Variants in LRRC74A observed in about 807,000 individuals in gnomAD.
The protein encoded by LRRC74A is leucine-rich repeat-containing protein 74A.
A neutral mutation model predicts 57.9 loss-of-function variants in LRRC74A; 44 were observed. The observed-to-expected ratio is 0.76, with a 90% CI of 0.60 to 0.98. LRRC74A has a LOEUF of 0.98. Ranked by LOEUF, LRRC74A falls within the 50% of genes least tolerant of loss-of-function variation. The probability of loss-of-function intolerance (pLI) is 0.00; values close to 1 mark genes in which losing one functional copy is unlikely to be tolerated. For missense variants in LRRC74A, 572 were observed against 574.0 expected (o/e 1.00, Z 0.04); for synonymous variants, 211 against 219.4 (o/e 0.96, Z 0.34).
intron 4 of LRRC74A, 69 bp downstream of exon 4, chr14:76,836,383 A>C: frequency 8.2e-7 from 1 of 1,213,052 alleles, no homozygotes; most frequent in Non-Finnish European, 1.2e-6. Flanking sequence ...GAGACAAGCC[A>C]GAGGCCCTGC....
rs187795661 is a variant in LRRC74A, at chr14:76,843,340, G to T, written c.545-1083G>T. 2.1e-3 allele frequency among the ~76,000 whole-genome samples: 307 copies of T among 147,614 alleles called. 1 individual carries two copies. Among genetic ancestry groups the T allele is most frequent in the African/African-American group, 7.6e-3 (302 of 39,770 alleles). ...AAAAAAAAACTTGTTCAATATAGAT[G>T]ATTTTACACTAATTTTGGTTTTTTA... On this transcript the variant is annotated intron_variant, in intron 5 of 13. Transcript: ENST00000689127.
At chr14:76,866,112 G>A (rs1053911800) in intron 12 of LRRC74A, 37 bp downstream of exon 12, 1 of 1,382,942 alleles carries the variant, frequency 7.2e-7, no homozygotes, top group Non-Finnish European at 1.0e-6. Flanking sequence ...CTGTGTGTGA[G>A]TGTGAGTGTG....
At chr14:76,863,580 C>T (rs748349557) in intron 11 of LRRC74A, among the ~76,000 whole-genome samples, 11 of 152,200 alleles carry the variant, frequency 7.2e-5, no homozygotes, top group African/African-American at 1.2e-4. Flanking sequence ...TTCGTGTTCC[C>T]GAAGCCCTTG....
At position 76,836,327 on chromosome 14, in the gene LRRC74A, C is replaced by G. The variant is rs574535353; in HGVS notation, c.447+13C>G. 23 of 1,562,918 alleles carry G rather than the reference C, an allele frequency of 1.5e-5. No individual in the cohort carries two copies. Among genetic ancestry groups the G allele is most frequent in the East Asian group, 2.3e-5 (1 of 44,368 alleles). The stretch of plus-strand genomic sequence containing the variant: ...CCTCCAGGAGATGGTACTGTGCCCC[C>G]CTGTGCTGGCTCTTACCATCATCCC... On this transcript the variant is annotated intron_variant, in intron 4 of 13. Coordinates refer to ENST00000689127, the MANE Select transcript of LRRC74A (RefSeq NM_001385106.1).
In LRRC74A at chr14:76,828,250, GT is replaced by G. The variant is rs777075183; in HGVS notation, c.38-37del. The G allele has an allele frequency of 4.8e-5, 75 of 1,555,046 alleles. 1 individual carries two copies. The highest frequency in any genetic ancestry group is 3.7e-4 in the South Asian group (30 of 81,952). The stretch of plus-strand genomic sequence containing the variant: ...GCAGGCTTTATTGGGAGGCCAGCAA[GT>G]TTTATTCCTGGCATCAAGGAGATGA... On this transcript the variant is annotated intron_variant, in intron 1 of 13. Coordinates refer to ENST00000689127, the MANE Select transcript of LRRC74A (RefSeq NM_001385106.1).
At chr14:76,862,347 T>A (rs151038280) in intron 11 of LRRC74A, among the ~76,000 whole-genome samples, 2,177 of 152,244 alleles carry the variant, frequency 0.014, 89 homozygotes, top group East Asian at 0.11. Context: ...CTGGCCAACA[T>A]GGCAAAACCC....
rs755479933 is a variant in LRRC74A at position 76,853,402 on chromosome 14, G to A, written c.949G>A (p.Val317Ile). The stretch of plus-strand genomic sequence containing the variant: ...ACTGGAATCCAATGAAAGCCTCAGA[G>A]TTCTGAAGGTAGTCTTCAGCTGGAA... ...KGLESNESLRVLKLFLNPINM... is the reference protein window; with the variant it reads ...KGLESNESLRILKLFLNPINM... The change falls in exon 9 of 14, where the codon GTT (valine) becomes ATT (isoleucine). Residue 317 changes from valine to isoleucine, a missense_variant. Physicochemically the swap from Val to Ile is conservative, Grantham distance 29. Transcript: ENST00000689127. 1.0e-5 allele frequency: 16 copies of A among 1,599,626 alleles called. No individual in the cohort carries two copies. Among genetic ancestry groups the A allele is most frequent in the Non-Finnish European group, 1.4e-5 (16 of 1,172,398 alleles).
chr14:76,831,467 G>T (rs1895967637), intron 3 of LRRC74A, 92 bp downstream of exon 3: 1 of 1,386,938 alleles, frequency 7.2e-7, no homozygotes, highest in Non-Finnish European at 1.0e-6. Context: ...CTCCTATGGA[G>T]CCTAAACCCA....
rs553879632 is a variant in LRRC74A, at chr14:76,828,102, C to T, written c.38-189C>T. Among the ~76,000 whole-genome samples, 4 of 152,348 alleles carry T rather than the reference C, an allele frequency of 2.6e-5. No homozygotes were observed. The South Asian group carries it at 8.3e-4, about 32-fold the overall frequency. On this transcript the variant is annotated intron_variant, in intron 1 of 13. Transcript: ENST00000689127. ...TTGGTTTCACAAGCTCCCGTAGACCCTGCAGCCGGAGGCAGCGCTATTGGG... is the reference window on the plus strand; with the variant it reads ...TTGGTTTCACAAGCTCCCGTAGACCTTGCAGCCGGAGGCAGCGCTATTGGG...
At chr14:76,845,379 G>A (rs1430389228) in intron 7 of LRRC74A, among the ~76,000 whole-genome samples, 1 of 150,888 alleles carries the variant, frequency 6.6e-6, no homozygotes, top group Non-Finnish European at 1.5e-5. Flanking sequence ...GGGGAAGAGG[G>A]AGGGGGAGGG....
chr14:76,869,553 C>A (rs1396622645), intron 13 of LRRC74A, among the ~76,000 whole-genome samples: 1 of 152,048 alleles, frequency 6.6e-6, no homozygotes, highest in Non-Finnish European at 1.5e-5. Context: ...GAGTTCAAGA[C>A]CAGCCTGGCC....
In LRRC74A at chr14:76,853,379, T is replaced by G; in HGVS notation, c.926T>G (p.Leu309Arg). The change falls in exon 9 of 14, where the codon CTG becomes CGG. Residue 309 changes from leucine (L) to arginine (R), a missense_variant. Coordinates refer to ENST00000689127, the MANE Select transcript of LRRC74A (RefSeq NM_001385106.1). ...GGGGCCTCCAAAATCAGCAAAGGAC[T>G]GGAATCCAATGAAAGCCTCAGAGTT... ...NEGASKISKG[L>R]ESNESLRVLK... 6.2e-7 allele frequency: 1 copy of G among 1,611,396 alleles called. No individual in the cohort carries two copies. Among genetic ancestry groups the G allele is most frequent in the Admixed American group, 1.7e-5 (1 of 59,622 alleles).
chr14:76,870,018 G>A, intron 13 of LRRC74A, 107 bp from the exon 14 acceptor site: 1 of 1,201,370 alleles, frequency 8.3e-7, no homozygotes, highest in South Asian at 1.3e-5. Context: ...GGCCAGAGAT[G>A]GGTTTACAAA....
intron 3 of LRRC74A, among the ~76,000 whole-genome samples, chr14:76,833,230 G>A (rs1224357196): frequency 6.6e-6 from 1 of 152,068 alleles, no homozygotes; most frequent in African/African-American, 2.4e-5. Context: ...GAATGAGGAA[G>A]GCAATTCTGT....
rs1476519749 is a variant in LRRC74A, at chr14:76,865,977, G to A, written c.1210G>A (p.Asp404Asn). 18 of 1,589,714 alleles carry A rather than the reference G, an allele frequency of 1.1e-5. No homozygotes were observed. The highest frequency in any genetic ancestry group is 1.5e-5 in the Non-Finnish European group (17 of 1,160,172). ...NPMKLIQSYADQHKITIVDFF... is the reference protein window; with the variant it reads ...NPMKLIQSYANQHKITIVDFF... The stretch of plus-strand genomic sequence containing the variant: ...CTCCTGCTTCTCTCAGAGCTATGCA[G>A]ACCAACACAAAATCACGATCGTGGA... The change falls in exon 12 of 14, where the codon GAC becomes AAC. Residue 404 changes from aspartate to asparagine, a missense_variant. By Grantham distance (23) the Asp-to-Asn change is conservative. Coordinates refer to ENST00000689127, the MANE Select transcript of LRRC74A (RefSeq NM_001385106.1).
chr14:76,862,511 T>G (rs1898393332), intron 11 of LRRC74A, among the ~76,000 whole-genome samples: 1 of 148,866 alleles, frequency 6.7e-6, no homozygotes, highest in Non-Finnish European at 1.5e-5. Context: ...CACTCCAGCC[T>G]GGGCAACAGA....
At chr14:76,828,462 A>C in intron 2 of LRRC74A, 43 bp downstream of exon 2, 6 of 1,612,704 alleles carry the variant, frequency 3.7e-6, no homozygotes, top group Non-Finnish European at 5.1e-6. Flanking sequence ...GCTTCTCCTC[A>C]GAAACTGGAG....
At chr14:76,856,974 G>C (rs1458559657) in intron 9 of LRRC74A, among the ~76,000 whole-genome samples, 1 of 128,132 alleles carries the variant, frequency 7.8e-6, no homozygotes, top group Non-Finnish European at 1.7e-5. Context: ...TGGTTGGATG[G>C]ATGGATGGAT....
chr14:76,827,628 G>C (rs545238166), intron 1 of LRRC74A, among the ~76,000 whole-genome samples: 1 of 152,256 alleles, frequency 6.6e-6, no homozygotes, highest in Admixed American at 6.5e-5. Context: ...GGGGAGCTCT[G>C]TTCCCAGCAA....
Sources: allele counts gnomAD v4.1 joint callset (sites outside exome capture counted in the v4.1 genomes callset), GRCh38; gene constraint gnomAD v4.1.1; transcripts MANE v1.5; gene names NCBI Gene and HGNC (gene_info 2026-07-23, HGNC 2026-07-21).